Variants in IL17RB observed in about 807,000 individuals in gnomAD.
IL17RB encodes interleukin 17 receptor B.
IL17RB carries 36 observed loss-of-function variants against 43.9 expected under a neutral mutation model. The ratio of observed to expected loss-of-function variants is 0.82; its 90% confidence interval spans 0.63 to 1.08. The LOEUF (loss-of-function observed/expected upper bound fraction) is 1.08. Ranked by LOEUF, IL17RB falls within the 50% of genes least tolerant of loss-of-function variation. The pLI is 0.00. For missense variants in IL17RB, 613 were observed against 613.6 expected, an observed-to-expected ratio of 1.00 and a Z score of 0.01; for synonymous variants, 225 against 225.4, an observed-to-expected ratio of 1.00 and a Z score of 0.02.
chr3:53,856,713 T>C (rs926793663), intron 6 of IL17RB, 131 bp from the exon 7 acceptor site: 2 of 806,658 alleles, frequency 2.5e-6, no homozygotes, highest in African/African-American at 3.4e-5. Flanking sequence ...AAAAGTTCAC[T>C]ATGTAGCAGC....
intron 10 of IL17RB, among the ~76,000 whole-genome samples, chr3:53,863,548 G>A (rs1163654308): frequency 1.1e-4 from 16 of 152,186 alleles, no homozygotes; most frequent in Admixed American, 1.0e-3. Context: ...CTTACATTTA[G>A]GGATGCTGTC....
At chr3:53,857,496 G>A in intron 7 of IL17RB, 120 bp from the exon 8 acceptor site, 1 of 818,632 alleles carries the variant, frequency 1.2e-6, no homozygotes, top group Admixed American at 1.9e-5. Context: ...TGTTGCCCAG[G>A]CTGGTCTCAA....
intron 10 of IL17RB, chr3:53,861,611 T>TA (rs1165256084): frequency 6.6e-6 from 1 of 152,176 alleles, no homozygotes; most frequent in Non-Finnish European, 1.5e-5. Flanking sequence ...TATGACAACT[T>TA]AAAGCAAAAG....
chr3:53,864,660 A>G (rs1699714375), intron 10 of IL17RB, 86 bp from the exon 11 acceptor site: 1 of 1,014,134 alleles, frequency 9.9e-7, no homozygotes, highest in Non-Finnish European at 1.5e-6. Flanking sequence ...ATTCTCTAGC[A>G]AGGGATCATT....
At chr3:53,854,381 T>C (rs1699261326) in intron 5 of IL17RB, among the ~76,000 whole-genome samples, 1 of 152,232 alleles carries the variant, frequency 6.6e-6, no homozygotes, top group Admixed American at 6.5e-5. Context: ...TCACCTGCTT[T>C]TTCATGAATG....
chr3:53,861,780 C>T (rs1003671524), intron 10 of IL17RB, among the ~76,000 whole-genome samples: 1 of 152,172 alleles, frequency 6.6e-6, no homozygotes, highest in African/African-American at 2.4e-5. Context: ...TTAAGAAAAT[C>T]ACTGAGGAGA....
intron 5 of IL17RB, among the ~76,000 whole-genome samples, chr3:53,855,076 C>T (rs1699282997): frequency 1.4e-5 from 2 of 144,518 alleles, no homozygotes; most frequent in Non-Finnish European, 3.0e-5. Flanking sequence ...GAGATTGCGC[C>T]ACTGCACTCC....
intron 5 of IL17RB, 83 bp from the exon 6 acceptor site, chr3:53,855,211 C>T (rs1361576849): frequency 1.3e-5 from 10 of 762,882 alleles, no homozygotes; most frequent in South Asian, 8.1e-5. Context: ...GTGTGGTATG[C>T]GTATGTGTGT....
chr3:53,851,880 A>G, intron 3 of IL17RB, 119 bp from the exon 4 acceptor site: 1 of 1,152,226 alleles, frequency 8.7e-7, no homozygotes, highest in Non-Finnish European at 1.2e-6. Flanking sequence ...CCTACCTTTC[A>G]GTACTATTGT....
rs756853965 is a variant in IL17RB, at chr3:53,860,121, T to A, written c.848-9T>A. 9.3e-6 allele frequency: 15 copies of A among 1,610,508 alleles called. No individual in the cohort carries two copies. The Admixed American group carries it at 2.5e-4, about 27-fold the overall frequency. On this transcript the variant is annotated splice_polypyrimidine_tract_variant and intron_variant, in intron 9 of 10. Transcript: ENST00000288167. ...TTTTCCAAAGGTGAATAAGCTTTGT[T>A]TTTTCCAGACAAAAGCAAGCCGGGA... is the stretch of plus-strand genomic sequence containing the variant.
In IL17RB at chr3:53,849,793, A is replaced by G. The variant is rs772947752; in HGVS notation, c.224A>G (p.Asp75Gly). The change falls in exon 3 of 11, where the codon GAT (aspartate) becomes GGT (glycine). Residue 75 changes from aspartate to glycine, a missense_variant and splice_region_variant. Asp to Gly is a moderately conservative substitution (Grantham distance 94). Coordinates refer to ENST00000288167, the MANE Select transcript of IL17RB (RefSeq NM_018725.4). ...LMNVSWVLRADASIRLLKATK... is the reference protein window; with the variant it reads ...LMNVSWVLRAGASIRLLKATK... The stretch of plus-strand genomic sequence containing the variant: ...AATGTAAGCTGGGTACTCCGGGCAG[A>G]TGGTAAGTTTGCATCCATCAGAGAT... 7 of 1,598,372 alleles carry G rather than the reference A, an allele frequency of 4.4e-6. No homozygotes were observed. In the South Asian group the frequency reaches 7.8e-5, roughly 18 times the overall value.
chr3:53,857,071 G>C, intron 7 of IL17RB, 85 bp downstream of exon 7: 1 of 1,377,312 alleles, frequency 7.3e-7, no homozygotes, highest in Non-Finnish European at 1.0e-6. Context: ...TTGTCCAAAC[G>C]TGCTGGGCTA....
chr3:53,854,137 TCTGC>T (rs1248489059), intron 5 of IL17RB, among the ~76,000 whole-genome samples: 13 of 152,170 alleles, frequency 8.5e-5, no homozygotes, highest in Non-Finnish European at 1.6e-4. Context: ...CCTCGGGTGA[TCTGC>T]CTACCTTGGC....
intron 7 of IL17RB, 111 bp downstream of exon 7, chr3:53,857,097 C>A: frequency 9.0e-7 from 1 of 1,112,382 alleles, no homozygotes; most frequent in South Asian, 1.4e-5. Flanking sequence ...ATGAATTCAA[C>A]AGATAAAAAC....
intron 10 of IL17RB, among the ~76,000 whole-genome samples, chr3:53,864,427 C>G (rs367979026): frequency 2.0e-5 from 3 of 151,852 alleles, no homozygotes; most frequent in Non-Finnish European, 4.4e-5. Context: ...CCCAGCTACT[C>G]GGGAGGCTGA....
chr3:53,855,116 C>CAAAAAAAAAAAAAAAAAAAAA (rs746854673), intron 5 of IL17RB, among the ~76,000 whole-genome samples, 178 bp from the exon 6 acceptor site: 1 of 69,404 alleles, frequency 1.4e-5, no homozygotes. Context: ...GACTCCGGCT[C>CAAAAAAAAAAAAAAAAAAAAA]AAAAAAAAAA....
rs769401500 is a variant in IL17RB, at chr3:53,865,015, G to A, written c.1216G>A (p.Gly406Ser). 3.7e-6 allele frequency: 6 copies of A among 1,614,180 alleles called. No homozygotes were observed. Among genetic ancestry groups the A allele is most frequent in the Non-Finnish European group, 5.1e-6 (6 of 1,180,042 alleles). ...LSNDVNSVCD[G>S]TCGKSEGSPS... ...CAATGACGTCAACAGTGTGTGCGAT[G>A]GTACCTGTGGCAAGAGCGAGGGCAG... is the stretch of plus-strand genomic sequence containing the variant. The change falls in exon 11 of 11, where the codon GGT becomes AGT. Residue 406 changes from glycine to serine, a missense_variant. Gly to Ser is a moderately conservative substitution (Grantham distance 56). Transcript: ENST00000288167.
chr3:53,846,753 T>C (rs1698916753), intron 1 of IL17RB, 105 bp downstream of exon 1: 3 of 1,234,540 alleles, frequency 2.4e-6, no homozygotes, highest in Non-Finnish European at 3.3e-6. Flanking sequence ...GTGCGCGGAC[T>C]GCCGGCTCAA....
Position 53,846,587 on chromosome 3 carries a change from C to A in IL17RB, c.-2C>A. The A allele has an allele frequency of 1.9e-6, 3 of 1,579,994 alleles. No homozygotes were observed. Among genetic ancestry groups the A allele is most frequent in the Non-Finnish European group, 2.6e-6 (3 of 1,168,154 alleles). ...GCCTGGATCCCGCGCAGTGGCCCGG[C>A]GATGTCGCTCGTGCTGCTAAGCCTG... On this transcript the variant is annotated 5_prime_UTR_variant, in exon 1 of 11. Transcript: ENST00000288167.
Sources: gnomAD v4.1 joint callset for allele counts (sites outside exome capture counted in the v4.1 genomes callset) on GRCh38, gnomAD v4.1.1 for gene constraint, MANE v1.5 for transcripts, NCBI Gene and HGNC (gene_info 2026-07-23, HGNC 2026-07-21) for gene names.